Variants in SPATA17 observed in about 807,000 individuals in gnomAD.
SPATA17 encodes the protein spermatogenesis associated 17.
SPATA17 carries 53 observed loss-of-function variants against 62.2 expected under a neutral mutation model. The ratio of observed to expected loss-of-function variants is 0.85; its 90% CI spans 0.68 to 1.07. The LOEUF is 1.07. Ranked by LOEUF, SPATA17 falls within the 50% of genes least tolerant of loss-of-function variation. The pLI, the probability that SPATA17 is intolerant of heterozygous loss-of-function variation, is 0.00. For synonymous variants in SPATA17, 146 were observed against 146.8 expected (o/e 0.99, Z 0.04); for missense variants, 466 against 425.5 (o/e 1.10, Z -0.84).
chr1:217,773,757 G>A lies in SPATA17; in HGVS notation c.520-577G>A, dbSNP rs114748693. On this transcript the variant is annotated intron_variant, in intron 6 of 10. Coordinates refer to ENST00000366933, the MANE Select transcript of SPATA17 (RefSeq NM_138796.4). The stretch of plus-strand genomic sequence containing the variant: ...GTTATTTTGAGTGATATATAATATA[G>A]TATTATAGCCTATATTATAGGTGAT... 9.7e-3 allele frequency among the ~76,000 whole-genome samples: 1,478 copies of A among 152,120 alleles called. 11 individuals are homozygous for A. Among genetic ancestry groups the A allele is most frequent in the Non-Finnish European group, 0.017 (1,128 of 67,976 alleles).
chr1:217,758,448 C>G (rs1673097556), intron 6 of SPATA17, among the ~76,000 whole-genome samples: 1 of 152,064 alleles, frequency 6.6e-6, no homozygotes, highest in African/African-American at 2.4e-5. Context: ...CTTTATCAAC[C>G]TTATAAGGTA....
chr1:217,802,309 G>A (rs138754764), intron 9 of SPATA17, among the ~76,000 whole-genome samples: 85 of 152,252 alleles, frequency 5.6e-4, no homozygotes, highest in African/African-American at 1.9e-3. Flanking sequence ...CTGCATATAT[G>A]TATATGTGCA....
chr1:217,717,334 G>T (rs1312541402), intron 5 of SPATA17, among the ~76,000 whole-genome samples: 1 of 152,160 alleles, frequency 6.6e-6, no homozygotes, highest in East Asian at 1.9e-4. Context: ...ATTTGGCCAG[G>T]CACGGTGGCT....
rs577545645 is a variant in SPATA17, at chr1:217,809,672, A to T, written c.1005+7822A>T. On this transcript the variant is annotated intron_variant, in intron 9 of 10. Transcript: ENST00000366933. ...CACAACTACTAGAATGGCACCAAGC[A>T]ATTTACGAGGTATCTGTTGCCATGA... 3.3e-5 allele frequency among the ~76,000 whole-genome samples: 5 copies of T among 152,298 alleles called. No homozygotes were observed. The South Asian group carries it at 8.3e-4, about 25-fold the overall frequency.
At position 217,756,898 on chromosome 1, in the gene SPATA17, G is replaced by C. The variant is rs184927173; in HGVS notation, c.519+14800G>C. Among the ~76,000 whole-genome samples the C allele has an allele frequency of 5.9e-5, 9 of 152,316 alleles. No individual in the cohort carries two copies. The East Asian group carries it at 1.7e-3, about 29-fold the overall frequency. ...TCAACATCCTGTTACACATTGGTTT[G>C]TAATCATTTTATGAGACGAAGGGAT... On this transcript the variant is annotated intron_variant, in intron 6 of 10. Transcript: ENST00000366933.
intron 6 of SPATA17, among the ~76,000 whole-genome samples, chr1:217,757,323 A>G (rs941297993): frequency 6.6e-6 from 1 of 152,240 alleles, no homozygotes; most frequent in Non-Finnish European, 1.5e-5. Flanking sequence ...GGAAGTTTAC[A>G]TCTGAGTCAA....
chr1:217,694,403 G>T (rs1671408242), intron 5 of SPATA17, among the ~76,000 whole-genome samples: 1 of 147,010 alleles, frequency 6.8e-6, no homozygotes, highest in Admixed American at 6.8e-5. Context: ...CGTGAGATGG[G>T]TTTCCTGAAT....
At position 217,713,254 on chromosome 1, in the gene SPATA17, GT is replaced by G. The variant is rs200108993; in HGVS notation, c.396-28711del. ...GTGTGCTATCAATTTCCTTCAGGAT[GT>G]TTTTTTTTTCCTAGTGATTATTTTC... On this transcript the variant is annotated intron_variant, in intron 5 of 10. Coordinates refer to ENST00000366933, the MANE Select transcript of SPATA17 (RefSeq NM_138796.4). Among the ~76,000 whole-genome samples, 15 of 149,680 alleles carry G rather than the reference GT, an allele frequency of 1.0e-4. No homozygotes were observed. The East Asian group carries it at 1.2e-3, about 12-fold the overall frequency.
At chr1:217,777,075 G>T (rs1673612567) in intron 7 of SPATA17, among the ~76,000 whole-genome samples, 1 of 152,176 alleles carries the variant, frequency 6.6e-6, no homozygotes, top group South Asian at 2.1e-4. Flanking sequence ...CCTAGAGCCT[G>T]CCTTTTATAC....
chr1:217,696,872 T>G (rs1327780019), intron 5 of SPATA17, among the ~76,000 whole-genome samples: 4 of 152,164 alleles, frequency 2.6e-5, no homozygotes, highest in Admixed American at 1.3e-4. Flanking sequence ...AGTATTGGCT[T>G]AATATGAGAG....
At chr1:217,640,650 T>C (rs553758328) in intron 1 of SPATA17, among the ~76,000 whole-genome samples, 12 of 152,112 alleles carry the variant, frequency 7.9e-5, no homozygotes, top group South Asian at 4.1e-4. Context: ...AAATAAAAAC[T>C]GTAAATAACT....
At chr1:217,717,723 A>G (rs948430357) in intron 5 of SPATA17, among the ~76,000 whole-genome samples, 10 of 152,180 alleles carry the variant, frequency 6.6e-5, no homozygotes, top group African/African-American at 2.4e-4. Context: ...ACATTAATAG[A>G]AATGATAGGC....
intron 9 of SPATA17, among the ~76,000 whole-genome samples, chr1:217,851,668 A>C (rs1163431155): frequency 6.6e-6 from 1 of 152,298 alleles, no homozygotes; most frequent in Non-Finnish European, 1.5e-5. Context: ...TGTGAGACTA[A>C]TTTCTTGATT....
intron 8 of SPATA17, among the ~76,000 whole-genome samples, chr1:217,799,006 T>C (rs546908647): frequency 1.3e-5 from 2 of 152,080 alleles, no homozygotes; most frequent in African/African-American, 2.4e-5. Flanking sequence ...TTTAAAGTAA[T>C]TGATAATTAT....
chr1:217,819,571 G>A (rs1433305137), intron 9 of SPATA17, among the ~76,000 whole-genome samples: 1 of 151,904 alleles, frequency 6.6e-6, no homozygotes, highest in African/African-American at 2.4e-5. Flanking sequence ...TATTTTATCA[G>A]TGTTCTCTGT....
At chr1:217,744,491 T>C (rs1672703552) in intron 6 of SPATA17, among the ~76,000 whole-genome samples, 1 of 142,960 alleles carries the variant, frequency 7.0e-6, no homozygotes, top group Non-Finnish European at 1.5e-5. Flanking sequence ...AAAAAGAATT[T>C]TCACAAACCT....
At chr1:217,689,256 C>T (rs1230950219) in intron 5 of SPATA17, among the ~76,000 whole-genome samples, 1 of 117,184 alleles carries the variant, frequency 8.5e-6, no homozygotes, top group South Asian at 2.8e-4. Context: ...GACAGAGTCT[C>T]GCTCTGTCTC....
chr1:217,818,609 T>C (rs1558063595), intron 9 of SPATA17, among the ~76,000 whole-genome samples: 1 of 152,008 alleles, frequency 6.6e-6, no homozygotes, highest in South Asian at 2.1e-4. Flanking sequence ...TATAATCTTA[T>C]GGGAACATCA....
chr1:217,847,820 C>G (rs1354150240), intron 9 of SPATA17, among the ~76,000 whole-genome samples: 4 of 152,142 alleles, frequency 2.6e-5, no homozygotes, highest in Non-Finnish European at 4.4e-5. Flanking sequence ...GAGCAGATCT[C>G]TTGGAGTTCA....
Sources: allele counts gnomAD v4.1 joint callset (sites outside exome capture counted in the v4.1 genomes callset), GRCh38; gene constraint gnomAD v4.1.1; transcripts MANE v1.5; gene names NCBI Gene and HGNC (gene_info 2026-07-23, HGNC 2026-07-21).